Variants in IPPK observed in about 807,000 individuals in gnomAD.
IPPK encodes the protein inositol-pentakisphosphate 2-kinase.
Under a neutral mutation model 64.6 loss-of-function variants are expected in IPPK, and 22 were observed. The ratio of observed to expected loss-of-function variants is 0.34; its 90% CI spans 0.24 to 0.49. The LOEUF (loss-of-function observed/expected upper bound fraction) is 0.49. Ranked by LOEUF, IPPK falls within the 20% of genes least tolerant of loss-of-function variation. IPPK has a pLI of 0.99. For missense variants in IPPK, 532 were observed against 630.7 expected, an observed-to-expected ratio of 0.84 and a Z score of 1.68; for synonymous variants, 262 against 247.2, an observed-to-expected ratio of 1.06 and a Z score of -0.56.
Position 92,619,731 on chromosome 9 carries a change from T to G in IPPK, c.1171-166A>C, listed in dbSNP as rs577115821. On this transcript the variant is annotated intron_variant, in intron 11 of 12. Coordinates refer to ENST00000287996, the MANE Select transcript of IPPK (RefSeq NM_022755.6). ...GAGCACGGGCGTCAGGAGGTCGCCC[T>G]GTGAGAGCACCTGGGCCAGCCCTCA... is the stretch of plus-strand genomic sequence containing the variant. 2.5e-5 allele frequency: 16 copies of G among 645,156 alleles called. No individual in the cohort carries two copies. In the African/African-American group the frequency reaches 2.9e-4, roughly 12 times the overall value. 40.0% of individuals were successfully genotyped at this position (645,156 alleles called of 1,614,324 possible).
chr9:92,629,384 C>T (rs566826784), intron 11 of IPPK, among the ~76,000 whole-genome samples: 1 of 152,132 alleles, frequency 6.6e-6, no homozygotes, highest in East Asian at 1.9e-4. Context: ...AAATATTTGC[C>T]AATCATGTAT....
At position 92,613,304 on chromosome 9, in the gene IPPK, TG is replaced by T; in HGVS notation, c.*2527del. 1 of 776,624 alleles carries T rather than the reference TG, an allele frequency of 1.3e-6. No homozygotes were observed. Among genetic ancestry groups the T allele is most frequent in the Non-Finnish European group, 2.0e-6 (1 of 490,168 alleles). 48.1% of individuals were successfully genotyped at this position (776,624 alleles called of 1,614,324 possible). ...ACATTATATGGAAACTCTCATGACA[TG>T]AAAAATAAATACAACTAGTTAAGTA... On this transcript the variant is annotated 3_prime_UTR_variant, in exon 13 of 13. Transcript: ENST00000287996.
intron 3 of IPPK, among the ~76,000 whole-genome samples, chr9:92,655,144 G>A (rs910368544): frequency 2.6e-5 from 4 of 152,196 alleles, no homozygotes; most frequent in East Asian, 1.9e-4. Context: ...TCTGTCTCAC[G>A]GTCTCATCAC....
chr9:92,652,444 G>A (rs7853617), intron 4 of IPPK, 129 bp downstream of exon 4: 78,377 of 398,522 alleles, frequency 0.2, 11,919 homozygotes, highest in East Asian at 0.65. Context: ...GTGAGACTCC[G>A]TCTCAAAAAA....
At chr9:92,663,117 A>G (rs1461655873) in intron 1 of IPPK, among the ~76,000 whole-genome samples, 1 of 152,266 alleles carries the variant, frequency 6.6e-6, no homozygotes, top group East Asian at 1.9e-4. Context: ...ACAGAAACAG[A>G]TACGTAGTGT....
chr9:92,652,721 AGTTGAGCT>A, intron 3 of IPPK, 82 bp from the exon 4 acceptor site: 6 of 641,356 alleles, frequency 9.4e-6, no homozygotes, highest in Non-Finnish European at 1.3e-5. Flanking sequence ...GCCTAAAAAC[AGTTGAGCT>A]GTTGGTTTTT....
chr9:92,654,900 G>A (rs749462274), intron 3 of IPPK, among the ~76,000 whole-genome samples: 1 of 152,234 alleles, frequency 6.6e-6, no homozygotes, highest in South Asian at 2.1e-4. Context: ...TGAGGCTGGC[G>A]CCAGAGAGCG....
intron 11 of IPPK, among the ~76,000 whole-genome samples, chr9:92,626,214 G>A (rs112086427): frequency 5.9e-5 from 9 of 152,146 alleles, no homozygotes; most frequent in African/African-American, 1.9e-4. Flanking sequence ...TGACTAACAC[G>A]GCGAAACCCC....
intron 5 of IPPK, among the ~76,000 whole-genome samples, chr9:92,649,208 G>A (rs1042550485): frequency 1.3e-5 from 2 of 152,220 alleles, no homozygotes; most frequent in Non-Finnish European, 2.9e-5. Flanking sequence ...GGCATGCAGG[G>A]TGGGTGGGGT....
At position 92,613,243 on chromosome 9, in the gene IPPK, C is replaced by A; in HGVS notation, c.*2589G>T. On this transcript the variant is annotated 3_prime_UTR_variant, in exon 13 of 13. Coordinates refer to ENST00000287996, the MANE Select transcript of IPPK (RefSeq NM_022755.6). The stretch of plus-strand genomic sequence containing the variant: ...CATTTGCTATTTTCTGCTTAGAAAC[C>A]ACACCCTGAAGACGTGCTGTCTATG... 1 of 1,488,234 alleles carries A rather than the reference C, an allele frequency of 6.7e-7. No individual in the cohort carries two copies. Among genetic ancestry groups the A allele is most frequent in the Non-Finnish European group, 9.3e-7 (1 of 1,072,686 alleles). 92.2% of individuals were successfully genotyped at this position (1,488,234 alleles called of 1,614,324 possible).
chr9:92,634,610 A>AT (rs1306535822), intron 10 of IPPK, 122 bp from the exon 11 acceptor site: 5 of 693,510 alleles, frequency 7.2e-6, no homozygotes, highest in Non-Finnish European at 1.3e-5. Context: ...TGAAAAACAC[A>AT]TAACAGATCT....
chr9:92,618,318 C>A, intron 12 of IPPK: 1 of 456,722 alleles, frequency 2.2e-6, no homozygotes, highest in Non-Finnish European at 4.4e-6. Flanking sequence ...CTCCTAGTGT[C>A]GTTTCTGCTG....
chr9:92,638,811 T>A (rs1006823256), intron 8 of IPPK, among the ~76,000 whole-genome samples: 1 of 152,168 alleles, frequency 6.6e-6, no homozygotes, highest in African/African-American at 2.4e-5. Context: ...ACCAGTATGG[T>A]CCATGCTCAA....
chr9:92,622,234 C>T (rs1851653141), intron 11 of IPPK, among the ~76,000 whole-genome samples: 1 of 152,052 alleles, frequency 6.6e-6, no homozygotes, highest in Non-Finnish European at 1.5e-5. Context: ...AAACAATTTA[C>T]TTGATGGTAA....
intron 11 of IPPK, 162 bp from the exon 12 acceptor site, chr9:92,619,727 G>A (rs868715047): frequency 8.7e-5 from 57 of 656,714 alleles, no homozygotes; most frequent in Non-Finnish European, 1.4e-4. Flanking sequence ...TCAGGAGGTC[G>A]CCCTGTGAGA....
At chr9:92,645,201 G>A (rs550965770) in intron 6 of IPPK, among the ~76,000 whole-genome samples, 3 of 151,934 alleles carry the variant, frequency 2.0e-5, no homozygotes, top group South Asian at 4.2e-4. Context: ...GACCAGCCTG[G>A]GCAACATGGT....
intron 8 of IPPK, among the ~76,000 whole-genome samples, chr9:92,638,503 A>T (rs1851987858): frequency 6.6e-6 from 1 of 152,250 alleles, no homozygotes; most frequent in Non-Finnish European, 1.5e-5. Flanking sequence ...AAAAGGAAGG[A>T]AAGTTTCAAA....
At chr9:92,654,622 G>A (rs550097736) in intron 3 of IPPK, among the ~76,000 whole-genome samples, 3 of 152,352 alleles carry the variant, frequency 2.0e-5, no homozygotes, top group Admixed American at 2.0e-4. Context: ...GCACCAACCA[G>A]CTCTTGCACA....
chr9:92,632,917 C>T (rs912735910), intron 11 of IPPK, among the ~76,000 whole-genome samples: 2 of 152,204 alleles, frequency 1.3e-5, no homozygotes, highest in East Asian at 1.9e-4. Flanking sequence ...TGGGGAGGAG[C>T]GCCAGCTCGC....
Sources: allele counts gnomAD v4.1 joint callset (sites outside exome capture counted in the v4.1 genomes callset), GRCh38; gene constraint gnomAD v4.1.1; transcripts MANE v1.5; gene names NCBI Gene and HGNC (gene_info 2026-07-23, HGNC 2026-07-21).